The following CDH13 variants were observed in gnomAD, a reference collection of about 807,000 sequenced individuals.
The protein encoded by CDH13 is cadherin-13.
CDH13 carries 24 observed loss-of-function variants against 63.8 expected under a neutral mutation model. That is an observed-to-expected ratio of 0.38 (90% CI 0.27 to 0.53). The LOEUF is 0.53. Ranked by LOEUF, CDH13 falls within the 20% of genes least tolerant of loss-of-function variation. CDH13 has a pLI of 0.85. For synonymous variants in CDH13, 503 were observed against 355.3 expected, an observed-to-expected ratio of 1.42 and a Z score of -4.67; for missense variants, 1,049 against 903.1, an observed-to-expected ratio of 1.16 and a Z score of -2.07.
At chr16:83,243,176 C>T (rs994732033) in intron 5 of CDH13, among the ~76,000 whole-genome samples, 1 of 152,106 alleles carries the variant, frequency 6.6e-6, no homozygotes, top group Non-Finnish European at 1.5e-5. Context: ...CTGCCTGGGG[C>T]TTCAGGAGCT....
intron 2 of CDH13, among the ~76,000 whole-genome samples, chr16:83,027,856 A>G (rs1006529200): frequency 2.0e-5 from 3 of 152,176 alleles, no homozygotes; most frequent in Non-Finnish European, 4.4e-5. Flanking sequence ...TGCCTAAGTA[A>G]TAGGTCCCCA....
chr16:83,630,636 CA>C (rs1286758795), intron 8 of CDH13, among the ~76,000 whole-genome samples: 2 of 152,150 alleles, frequency 1.3e-5, no homozygotes, highest in Non-Finnish European at 2.9e-5. Context: ...ACTGAGGAAG[CA>C]ATTAGATATG....
intron 1 of CDH13, among the ~76,000 whole-genome samples, chr16:82,793,355 A>G (rs189438323): frequency 6.8e-6 from 1 of 148,142 alleles, no homozygotes; most frequent in East Asian, 2.0e-4. Flanking sequence ...AGGAGCCAAG[A>G]AGATACTTTC....
At position 83,063,683 on chromosome 16, in the gene CDH13, T is replaced by C. The variant is rs187214090; in HGVS notation, c.366+31465T>C. Among the ~76,000 whole-genome samples the C allele has an allele frequency of 2.1e-3, 326 of 152,278 alleles. 1 individual carries two copies. The highest frequency in any genetic ancestry group is 0.013 in the South Asian group (62 of 4,822). On this transcript the variant is annotated intron_variant, in intron 3 of 13. Coordinates refer to ENST00000567109, the MANE Select transcript of CDH13 (RefSeq NM_001257.5). ...CTCTATGAACAAATTAGCACAAACTTTGTGGCTTAAAACAACACAAATTTA... is the reference window on the plus strand; with the variant it reads ...CTCTATGAACAAATTAGCACAAACTCTGTGGCTTAAAACAACACAAATTTA...
At chr16:83,231,607 C>A (rs990047181) in intron 5 of CDH13, among the ~76,000 whole-genome samples, 1 of 152,090 alleles carries the variant, frequency 6.6e-6, no homozygotes, top group Non-Finnish European at 1.5e-5. Flanking sequence ...GGCCTGCAGG[C>A]CCACTCCATT....
At chr16:83,014,778 A>G (rs1316131588) in intron 2 of CDH13, among the ~76,000 whole-genome samples, 5 of 113,816 alleles carry the variant, frequency 4.4e-5, no homozygotes, top group Admixed American at 9.6e-5. Flanking sequence ...ATATATATGT[A>G]TATATATATA....
At chr16:83,702,194 C>T (rs917582040) in intron 10 of CDH13, among the ~76,000 whole-genome samples, 1 of 152,192 alleles carries the variant, frequency 6.6e-6, no homozygotes, top group African/African-American at 2.4e-5. Flanking sequence ...TGGATACCCT[C>T]CTTGGTACTC....
At chr16:82,816,249 T>G (rs1211761198) in intron 1 of CDH13, among the ~76,000 whole-genome samples, 4 of 152,130 alleles carry the variant, frequency 2.6e-5, no homozygotes, top group Non-Finnish European at 5.9e-5. Flanking sequence ...ATCTTATTAT[T>G]TGTAGCAGCA....
intron 3 of CDH13, among the ~76,000 whole-genome samples, chr16:83,054,819 A>G (rs2030751008): frequency 6.6e-6 from 1 of 152,164 alleles, no homozygotes; most frequent in African/African-American, 2.4e-5. Flanking sequence ...TAAAAATTTC[A>G]CTAAAATCTG....
chr16:82,804,011 C>T (rs4783283), intron 1 of CDH13, among the ~76,000 whole-genome samples: 22,636 of 152,090 alleles, frequency 0.15, 2,162 homozygotes, highest in East Asian at 0.37. Flanking sequence ...GGGCAGATCA[C>T]GAGGTCAAGA....
intron 6 of CDH13, among the ~76,000 whole-genome samples, chr16:83,427,244 C>A (rs934566455): frequency 2.0e-5 from 3 of 151,846 alleles, no homozygotes; most frequent in Non-Finnish European, 4.4e-5. Flanking sequence ...TCAAAGAAAC[C>A]TTCTAGATGT....
chr16:83,122,501 G>C (rs986641051), intron 3 of CDH13, among the ~76,000 whole-genome samples: 1 of 152,180 alleles, frequency 6.6e-6, no homozygotes, highest in Non-Finnish European at 1.5e-5. Flanking sequence ...TACTTGGAGA[G>C]TGCATTCCAA....
At chr16:82,780,622 G>C (rs1399145146) in intron 1 of CDH13, among the ~76,000 whole-genome samples, 2 of 152,164 alleles carry the variant, frequency 1.3e-5, no homozygotes, top group African/African-American at 4.8e-5. Flanking sequence ...CCTAATAGTG[G>C]TCATTAGTTT....
chr16:82,824,917 C>T (rs1366569426), intron 1 of CDH13: 3 of 152,048 alleles, frequency 2.0e-5, no homozygotes, highest in Non-Finnish European at 1.5e-5. Context: ...ATGCATGCTG[C>T]TTCTGTTAAA....
intron 10 of CDH13, among the ~76,000 whole-genome samples, chr16:83,731,615 G>C (rs1056809341): frequency 6.6e-6 from 1 of 152,162 alleles, no homozygotes; most frequent in Non-Finnish European, 1.5e-5. Flanking sequence ...TAGGTTGTCT[G>C]TTTATTCTGT....
At chr16:82,938,469 C>T (rs2042735598) in intron 2 of CDH13, among the ~76,000 whole-genome samples, 2 of 152,208 alleles carry the variant, frequency 1.3e-5, no homozygotes, top group Admixed American at 1.3e-4. Flanking sequence ...GAGCTTTTGA[C>T]AGAGTGTCTG....
chr16:83,440,822 C>T (rs372828500), intron 6 of CDH13, among the ~76,000 whole-genome samples: 6 of 150,312 alleles, frequency 4.0e-5, no homozygotes, highest in Admixed American at 2.7e-4. Flanking sequence ...GGAGATTAAT[C>T]CTGGTGCCCT....
intron 7 of CDH13, among the ~76,000 whole-genome samples, chr16:83,516,181 A>G (rs1179602709): frequency 6.6e-6 from 1 of 152,192 alleles, no homozygotes; most frequent in Non-Finnish European, 1.5e-5. Context: ...GGTTGTAGAA[A>G]GTTTCCTGTA....
At chr16:83,226,187 A>G (rs2039831813) in intron 5 of CDH13, among the ~76,000 whole-genome samples, 1 of 152,102 alleles carries the variant, frequency 6.6e-6, no homozygotes, top group South Asian at 2.1e-4. Context: ...CGTATTTCCA[A>G]GCACTTCATT....
Sources: gnomAD v4.1 joint callset for allele counts (sites outside exome capture counted in the v4.1 genomes callset) on GRCh38, gnomAD v4.1.1 for gene constraint, MANE v1.5 for transcripts, NCBI Gene and HGNC (gene_info 2026-07-23, HGNC 2026-07-21) for gene names.